The following AKAP13 variants were observed in gnomAD, a reference collection of about 807,000 sequenced individuals.
AKAP13 encodes the protein A-kinase anchoring protein 13.
A neutral mutation model predicts 264.5 loss-of-function variants in AKAP13; 80 were observed. That is an observed-to-expected ratio of 0.30 (90% CI 0.25 to 0.36). AKAP13 has a LOEUF of 0.36. AKAP13 is among the 10% of genes least tolerant of loss of function. AKAP13 has a pLI of 1.00. For missense variants in AKAP13, 3,712 were observed against 3,435.2 expected (o/e 1.08, Z -2.01); for synonymous variants, 1,380 against 1,250.2 (o/e 1.10, Z -2.19).
chr15:85,718,304 C>T lies in AKAP13; in HGVS notation c.6001+145C>T, dbSNP rs552429679. On this transcript the variant is annotated intron_variant, in intron 22 of 36. Transcript: ENST00000394518. This position sits in a 1 kb window ranked among gnomAD's most constrained non-coding sequence, Gnocchi z 4.9. ...CTTTAAAAACTTTAAGGTACAGAGA[C>T]GTGGTCCTGTTGGTATCCTATCTCC... The T allele has an allele frequency of 2.0e-5, 19 of 962,640 alleles. No homozygotes were observed. The highest frequency in any genetic ancestry group is 1.7e-4 in the African/African-American group (10 of 60,338). The allele number at this position is 962,640 out of a possible 1,614,324, so 59.6% of individuals were successfully genotyped here. A position where few individuals can be genotyped will look rare whatever the true frequency, so the allele number is the denominator to read the frequency against.
chr15:85,579,395 G>A lies in AKAP13; in HGVS notation c.1327G>A (p.Asp443Asn). 6.2e-7 allele frequency: 1 copy of A among 1,614,136 alleles called. No individual in the cohort carries two copies. Among genetic ancestry groups the A allele is most frequent in the Non-Finnish European group, 8.5e-7 (1 of 1,179,960 alleles). Reference protein sequence around the residue: ...PTDQESLSSGDAVLQRDLVME... With the variant: ...PTDQESLSSGNAVLQRDLVME... ...AGACCAGGAGTCCCTGAGCAGTGGA[G>A]ATGCTGTGCTTCAGAGAGACTTGGT... Residue 443 changes from aspartate (D) to asparagine (N), a missense_variant, in exon 7 of 37, where the codon GAT becomes AAT. Physicochemically the swap from Asp to Asn is conservative, Grantham distance 23 (BLOSUM62 1). Transcript: ENST00000394518.
At chr15:85,439,557 C>A (rs2073518829) in intron 1 of AKAP13, among the ~76,000 whole-genome samples, 2 of 148,156 alleles carry the variant, frequency 1.3e-5, no homozygotes, top group African/African-American at 5.0e-5. Flanking sequence ...ATAGCAAAGA[C>A]TTGGAACCAA....
intron 3 of AKAP13, among the ~76,000 whole-genome samples, chr15:85,524,230 T>C (rs1031394015): frequency 7.7e-6 from 1 of 129,758 alleles, no homozygotes; most frequent in Non-Finnish European, 1.6e-5. Flanking sequence ...CAGGCTGGAA[T>C]GCAATGGCAC....
chr15:85,381,521 C>CT (rs1168869870), intron 1 of AKAP13, among the ~76,000 whole-genome samples: 5,089 of 64,174 alleles, frequency 0.079, 796 homozygotes, highest in African/African-American at 0.22. Context: ...CGGTTTACTG[C>CT]TTTTTTTTTT....
At chr15:85,492,941 A>T (rs1288923529) in intron 2 of AKAP13, among the ~76,000 whole-genome samples, 1 of 152,150 alleles carries the variant, frequency 6.6e-6, no homozygotes, top group African/African-American at 2.4e-5. Flanking sequence ...GTTCCAGAGG[A>T]ATTGGGCATA....
At chr15:85,504,430 G>A (rs901356198) in intron 2 of AKAP13, among the ~76,000 whole-genome samples, 3 of 143,468 alleles carry the variant, frequency 2.1e-5, no homozygotes, top group Non-Finnish European at 4.5e-5. Flanking sequence ...ACTTTGGGAG[G>A]CTGAAGTGGG....
intron 16 of AKAP13, chr15:85,691,839 G>C (rs983730461): frequency 2.0e-6 from 1 of 491,044 alleles, no homozygotes; most frequent in Non-Finnish European, 4.1e-6. Flanking sequence ...AAGACCACAG[G>C]AAAGAAAGGA....
intron 14 of AKAP13, among the ~76,000 whole-genome samples, chr15:85,672,071 G>A (rs2083960284): frequency 6.6e-6 from 1 of 152,196 alleles, no homozygotes; most frequent in Non-Finnish European, 1.5e-5. Context: ...GACACATAGA[G>A]CTTTTCTTCC....
At chr15:85,465,243 C>T (rs374452520) in intron 1 of AKAP13, among the ~76,000 whole-genome samples, 1 of 152,174 alleles carries the variant, frequency 6.6e-6, no homozygotes, top group East Asian at 1.9e-4. Flanking sequence ...TGAGCCACCA[C>T]GCCCGGCCAG....
intron 13 of AKAP13, among the ~76,000 whole-genome samples, chr15:85,666,825 C>T (rs2083631453): frequency 6.6e-6 from 1 of 152,206 alleles, no homozygotes; most frequent in South Asian, 2.1e-4. Context: ...ATCAAAGTGA[C>T]TTCTTAGTTC....
intron 1 of AKAP13, among the ~76,000 whole-genome samples, chr15:85,422,496 T>G (rs546121907): frequency 5.3e-5 from 8 of 152,344 alleles, no homozygotes; most frequent in Non-Finnish European, 7.3e-5. Context: ...AAGGAAGTAA[T>G]GTAATTGGTT....
intron 8 of AKAP13, among the ~76,000 whole-genome samples, chr15:85,600,235 T>A (rs1038328784): frequency 2.6e-5 from 4 of 151,978 alleles, no homozygotes; most frequent in Non-Finnish European, 4.4e-5. Context: ...CCAAGATGTT[T>A]AATTCTTTTA....
At chr15:85,726,341 CCTT>C (rs984697951) in intron 26 of AKAP13, 66 bp from the exon 27 acceptor site, 1 of 1,344,140 alleles carries the variant, frequency 7.4e-7, no homozygotes, top group Admixed American at 1.9e-5. Context: ...CAATAAAAAA[CCTT>C]CTGACTGTGG....
chr15:85,381,486 C>CTTT (rs553047572), intron 1 of AKAP13, among the ~76,000 whole-genome samples: 10 of 84,504 alleles, frequency 1.2e-4, no homozygotes, highest in African/African-American at 1.5e-4. Flanking sequence ...CCAAACAAAA[C>CTTT]TTTTTTTTTT....
intron 2 of AKAP13, among the ~76,000 whole-genome samples, chr15:85,509,847 A>G (rs1398622777): frequency 6.6e-6 from 1 of 152,192 alleles, no homozygotes; most frequent in Non-Finnish European, 1.5e-5. Flanking sequence ...CTCAGGTCTG[A>G]GAGCTGAATG....
intron 5 of AKAP13, among the ~76,000 whole-genome samples, chr15:85,567,457 G>C (rs547721373): frequency 9.2e-5 from 14 of 152,252 alleles, no homozygotes; most frequent in African/African-American, 3.1e-4. Context: ...GTGACTGTAG[G>C]CTTTTAGTAT....
chr15:85,431,627 C>A (rs527326660), intron 1 of AKAP13, among the ~76,000 whole-genome samples: 1 of 152,196 alleles, frequency 6.6e-6, no homozygotes, highest in East Asian at 1.9e-4. Context: ...TACCTTGCCC[C>A]TTAGTGTTTA....
chr15:85,704,904 G>T (rs115748082), intron 17 of AKAP13, among the ~76,000 whole-genome samples: 1,650 of 152,190 alleles, frequency 0.011, 30 homozygotes, highest in African/African-American at 0.037. Flanking sequence ...AATCACCCAC[G>T]CACAGCTCTA....
intron 2 of AKAP13, among the ~76,000 whole-genome samples, chr15:85,514,251 T>C (rs1249874206): frequency 1.4e-5 from 2 of 138,100 alleles, no homozygotes; most frequent in Non-Finnish European, 3.1e-5. Flanking sequence ...AACTCCCTTC[T>C]CTGCTGTATA....
Sources: allele counts gnomAD v4.1 joint callset (sites outside exome capture counted in the v4.1 genomes callset), GRCh38; gene constraint gnomAD v4.1.1; non-coding constraint Gnocchi (gnomAD v3.1); transcripts MANE v1.5; gene names NCBI Gene and HGNC (gene_info 2026-07-23, HGNC 2026-07-21).